The following CRTC3 variants were observed in gnomAD, a reference collection of about 807,000 sequenced individuals.
The protein encoded by CRTC3 is CREB-regulated transcription coactivator 3.
A neutral mutation model predicts 74.5 loss-of-function variants in CRTC3; 26 were observed. The observed-to-expected ratio is 0.35, with a 90% confidence interval of 0.26 to 0.48. CRTC3 has a LOEUF of 0.48. Ranked by LOEUF, CRTC3 falls within the 20% of genes least tolerant of loss-of-function variation. The pLI is 0.99. For missense variants in CRTC3, 760 were observed against 787.3 expected, an observed-to-expected ratio of 0.97 and a Z score of 0.41; for synonymous variants, 377 against 325.8, an observed-to-expected ratio of 1.16 and a Z score of -1.69.
chr15:90,638,378 C>G, intron 11 of CRTC3, 68 bp from the exon 12 acceptor site: 4 of 1,376,978 alleles, frequency 2.9e-6, no homozygotes, highest in Non-Finnish European at 4.1e-6. Flanking sequence ...CTGACATTTC[C>G]TAATCCTAAA....
intron 5 of CRTC3, among the ~76,000 whole-genome samples, 171 bp from the exon 6 acceptor site, chr15:90,607,207 A>T (rs1337478840): frequency 3.9e-5 from 6 of 152,206 alleles, no homozygotes; most frequent in Admixed American, 3.9e-4. Context: ...CGATCCTCAG[A>T]GGCTGTTAAT....
At chr15:90,551,328 T>G (rs1434868679) in intron 2 of CRTC3, among the ~76,000 whole-genome samples, 1 of 39,792 alleles carries the variant, frequency 2.5e-5, no homozygotes, top group Non-Finnish European at 5.3e-5. Flanking sequence ...ACTTTCTACC[T>G]CTTTTTTTCT....
chr15:90,624,682 T>C (rs1298872795), intron 9 of CRTC3, among the ~76,000 whole-genome samples: 1 of 152,204 alleles, frequency 6.6e-6, no homozygotes, highest in Non-Finnish European at 1.5e-5. Context: ...ATAGCGCGCT[T>C]CCTGCCACGT....
At chr15:90,604,180 C>G (rs1382263186) in intron 4 of CRTC3, 1 of 527,648 alleles carries the variant, frequency 1.9e-6, no homozygotes, top group Non-Finnish European at 3.5e-6. Context: ...TACTGGAAAT[C>G]AGAGATCACA....
chr15:90,604,250 G>A, intron 4 of CRTC3, 135 bp from the exon 5 acceptor site: 1 of 679,816 alleles, frequency 1.5e-6, no homozygotes, highest in South Asian at 1.6e-5. Context: ...AATGAGCGAG[G>A]TGTGGGGTAT....
At chr15:90,550,615 C>G (rs919850954) in intron 2 of CRTC3, among the ~76,000 whole-genome samples, 3 of 152,096 alleles carry the variant, frequency 2.0e-5, no homozygotes, top group Admixed American at 6.5e-5. Flanking sequence ...TTTTAGCAGC[C>G]TTTGAAATCT....
At chr15:90,585,224 A>G (rs1197299366) in intron 2 of CRTC3, among the ~76,000 whole-genome samples, 1 of 152,170 alleles carries the variant, frequency 6.6e-6, no homozygotes, top group Non-Finnish European at 1.5e-5. Context: ...AGCTCACTGC[A>G]GCCTCCACCT....
intron 1 of CRTC3, among the ~76,000 whole-genome samples, chr15:90,535,038 G>A (rs1339223710): frequency 6.6e-6 from 1 of 151,986 alleles, no homozygotes; most frequent in African/African-American, 2.4e-5. Context: ...GCGAGTGCCT[G>A]TAATCCCAGC....
chr15:90,597,348 T>C (rs1008461396), intron 3 of CRTC3, among the ~76,000 whole-genome samples: 1 of 144,892 alleles, frequency 6.9e-6, no homozygotes, highest in Non-Finnish European at 1.5e-5. Context: ...CTCAGCCTTG[T>C]GGATGACACG....
chr15:90,590,404 C>T (rs1429072504), intron 2 of CRTC3, among the ~76,000 whole-genome samples: 1 of 151,946 alleles, frequency 6.6e-6, no homozygotes, highest in Non-Finnish European at 1.5e-5. Flanking sequence ...AAGTGAAGTG[C>T]TTGGCCTTTT....
intron 2 of CRTC3, among the ~76,000 whole-genome samples, chr15:90,585,159 T>G (rs187660588): frequency 1.3e-5 from 2 of 152,318 alleles, no homozygotes; most frequent in Admixed American, 1.3e-4. Context: ...TTTTCTTTTT[T>G]GAAACAACAA....
intron 9 of CRTC3, among the ~76,000 whole-genome samples, chr15:90,620,379 A>G (rs1453339859): frequency 6.6e-6 from 1 of 152,214 alleles, no homozygotes; most frequent in Non-Finnish European, 1.5e-5. Flanking sequence ...GAAACCATTA[A>G]TTTGTTAGTG....
Position 90,642,048 on chromosome 15 carries a change from C to G in CRTC3, c.1768C>G (p.Leu590Val). Residue 590 changes from leucine to valine, a missense_variant, in exon 15 of 15, where the codon CTG (leucine) becomes GTG (valine). Physicochemically the swap from Leu to Val is conservative, Grantham distance 32 (BLOSUM62 1). Transcript: ENST00000268184. ...GGAAGAGGAGCTGCAGATTGAACCCCTGAGCCTGGACGGACTCAACATGTT... is the reference window on the plus strand; with the variant it reads ...GGAAGAGGAGCTGCAGATTGAACCCGTGAGCCTGGACGGACTCAACATGTT... ...PLEEELQIEP[L>V]SLDGLNMLSD... 2 of 1,614,040 alleles carry G rather than the reference C, an allele frequency of 1.2e-6. No individual in the cohort carries two copies. The highest frequency in any genetic ancestry group is 1.1e-5 in the South Asian group (1 of 91,092).
chr15:90,644,222 T>G lies in CRTC3; in HGVS notation c.*2082T>G, dbSNP rs988933071. 4.4e-6 allele frequency: 1 copy of G among 228,840 alleles called. No homozygotes were observed. Among genetic ancestry groups the G allele is most frequent in the Admixed American group, 5.7e-5 (1 of 17,602 alleles). The allele number at this position is 228,840 out of a possible 1,614,324, so 14.2% of individuals were successfully genotyped here. ...TTTGTGCTCAAGATCTCAGAGGGGG[T>G]GGCTTTTTGTTAAAGAGCCTTCAGT... On this transcript the variant is annotated 3_prime_UTR_variant, in exon 15 of 15. Coordinates refer to ENST00000268184, the MANE Select transcript of CRTC3 (RefSeq NM_022769.5).
chr15:90,578,596 A>G (rs1334574308), intron 2 of CRTC3, among the ~76,000 whole-genome samples: 2 of 152,168 alleles, frequency 1.3e-5, no homozygotes, highest in African/African-American at 4.8e-5. Context: ...AAATGCATGT[A>G]TAGAGTTATA....
chr15:90,556,524 G>A (rs1487391499), intron 2 of CRTC3, among the ~76,000 whole-genome samples: 1 of 152,206 alleles, frequency 6.6e-6, no homozygotes, highest in African/African-American at 2.4e-5. Flanking sequence ...ATGACATAAA[G>A]TAGTTTGCAT....
Position 90,592,891 on chromosome 15 carries a change from G to A in CRTC3, c.232-745G>A, listed in dbSNP as rs934140710. The stretch of plus-strand genomic sequence containing the variant: ...TATGGGTGGGTGCGGTGGCTCACAT[G>A]CCTGTAATCCCAGCACTTTGGGAGG... On this transcript the variant is annotated intron_variant, in intron 2 of 14. Transcript: ENST00000268184. 2.0e-5 allele frequency among the ~76,000 whole-genome samples: 3 copies of A among 152,146 alleles called. No individual in the cohort carries two copies. In the East Asian group the frequency reaches 5.8e-4, roughly 29 times the overall value.
Position 90,530,043 on chromosome 15 carries a change from C to G in CRTC3, c.-29C>G. On this transcript the variant is annotated 5_prime_UTR_variant, in exon 1 of 15. Coordinates refer to ENST00000268184, the MANE Select transcript of CRTC3 (RefSeq NM_022769.5). The surrounding 1 kb of genome is among the most constrained non-coding windows in gnomAD (Gnocchi z 6.2). ...GGTACAGGCCCCACGGCCGCCGTCTCCCGCTTCTGCCCGCGCAGAGTCCGC... is the reference window on the plus strand; with the variant it reads ...GGTACAGGCCCCACGGCCGCCGTCTGCCGCTTCTGCCCGCGCAGAGTCCGC... 7.2e-7 allele frequency: 1 copy of G among 1,391,152 alleles called. No individual in the cohort carries two copies. The highest frequency in any genetic ancestry group is 1.3e-5 in the South Asian group (1 of 78,366). The allele number at this position is 1,391,152 out of a possible 1,614,324, so 86.2% of individuals were successfully genotyped here.
intron 2 of CRTC3, among the ~76,000 whole-genome samples, chr15:90,578,018 C>T (rs1244496264): frequency 6.6e-6 from 1 of 152,188 alleles, no homozygotes; most frequent in Non-Finnish European, 1.5e-5. Flanking sequence ...CAGCAGTTCT[C>T]CTGTCTCAGC....
Sources: allele counts gnomAD v4.1 joint callset (sites outside exome capture counted in the v4.1 genomes callset), GRCh38; gene constraint gnomAD v4.1.1; non-coding constraint Gnocchi (gnomAD v3.1); transcripts MANE v1.5; gene names NCBI Gene and HGNC (gene_info 2026-07-23, HGNC 2026-07-21).